Variants in GRIK4 observed in about 807,000 individuals in gnomAD.
GRIK4 encodes glutamate ionotropic receptor kainate type subunit 4, also known as glutamate receptor ionotropic, kainate 4.
Under a neutral mutation model 104.9 loss-of-function variants are expected in GRIK4, and 40 were observed. The ratio of observed to expected loss-of-function variants is 0.38; its 90% CI spans 0.30 to 0.50. GRIK4 has a LOEUF of 0.50. Ranked by LOEUF, GRIK4 falls within the 20% of genes least tolerant of loss-of-function variation. The probability of loss-of-function intolerance (pLI) is 0.93; values close to 1 mark genes in which losing one functional copy is unlikely to be tolerated. For synonymous variants in GRIK4, 485 were observed against 524.9 expected, an observed-to-expected ratio of 0.92 and a Z score of 1.04; for missense variants, 1,047 against 1,308.1, an observed-to-expected ratio of 0.80 and a Z score of 3.08.
chr11:120,516,172 G>C (rs914144404), intron 1 of GRIK4, among the ~76,000 whole-genome samples: 1 of 152,210 alleles, frequency 6.6e-6, no homozygotes, highest in Non-Finnish European at 1.5e-5. Flanking sequence ...TCCCCTGTTT[G>C]GGGGGTGGGC....
intron 9 of GRIK4, among the ~76,000 whole-genome samples, chr11:120,863,299 G>C (rs1042677568): frequency 3.3e-5 from 5 of 152,302 alleles, no homozygotes; most frequent in Middle Eastern, 3.4e-3. Context: ...ACTTACCACT[G>C]TGTTGCTGTT....
At chr11:120,917,349 GA>G (rs2134553440) in intron 13 of GRIK4, among the ~76,000 whole-genome samples, 1 of 151,428 alleles carries the variant, frequency 6.6e-6, no homozygotes, top group South Asian at 2.1e-4. Flanking sequence ...TCAATCAGCA[GA>G]CAGTGATTTA....
chr11:120,929,394 C>A (rs984189856), intron 13 of GRIK4, among the ~76,000 whole-genome samples: 3 of 152,118 alleles, frequency 2.0e-5, no homozygotes, highest in Admixed American at 2.0e-4. Context: ...GATCCCATTG[C>A]CCTGCAGCTC....
chr11:120,758,780 A>G (rs1951695914), intron 3 of GRIK4, among the ~76,000 whole-genome samples: 2 of 152,224 alleles, frequency 1.3e-5, no homozygotes, highest in Non-Finnish European at 1.5e-5. Flanking sequence ...GTGGGCATCT[A>G]TAAATGGGAG....
At chr11:120,636,204 T>C (rs993612665) in intron 1 of GRIK4, among the ~76,000 whole-genome samples, 8 of 152,194 alleles carry the variant, frequency 5.3e-5, no homozygotes, top group African/African-American at 1.9e-4. Context: ...TCATGAATGG[T>C]GATGCTTTAA....
intron 1 of GRIK4, chr11:120,564,367 C>G (rs1431277649): frequency 6.6e-6 from 1 of 152,038 alleles, no homozygotes; most frequent in African/African-American, 2.4e-5. Context: ...GCTCGGGAAT[C>G]CGGGCCCGGG....
chr11:120,619,187 A>G (rs1949153632), intron 1 of GRIK4, among the ~76,000 whole-genome samples: 1 of 152,062 alleles, frequency 6.6e-6, no homozygotes, highest in Admixed American at 6.6e-5. Context: ...GTTAAAGGAG[A>G]TTATTTTGGA....
chr11:120,780,238 C>T (rs1952126059), intron 3 of GRIK4, among the ~76,000 whole-genome samples: 1 of 152,212 alleles, frequency 6.6e-6, no homozygotes, highest in Non-Finnish European at 1.5e-5. Context: ...ATTCACATTG[C>T]TGTACAACCA....
Position 120,953,891 on chromosome 11 carries a change from T to C in GRIK4, c.1700+927T>C, listed in dbSNP as rs76327745. On this transcript the variant is annotated intron_variant, in intron 15 of 20. Coordinates refer to ENST00000527524, the MANE Select transcript of GRIK4 (RefSeq NM_014619.5). This position sits in a 1 kb window ranked among gnomAD's most constrained non-coding sequence, Gnocchi z 4.9. ...GCAGTGGAGGCTCACAAAGGGCTGTTATGTGGGAGCAGAGAACTACTCAGG... is the reference window on the plus strand; with the variant it reads ...GCAGTGGAGGCTCACAAAGGGCTGTCATGTGGGAGCAGAGAACTACTCAGG... 0.026 allele frequency among the ~76,000 whole-genome samples: 3,902 copies of C among 152,270 alleles called. 185 individuals carry two copies. The highest frequency in any genetic ancestry group is 0.089 in the African/African-American group (3,698 of 41,544).
chr11:120,812,038 G>A (rs1379627087), intron 4 of GRIK4, among the ~76,000 whole-genome samples: 1 of 152,178 alleles, frequency 6.6e-6, no homozygotes, highest in Admixed American at 6.5e-5. Flanking sequence ...TTTAAAGAAT[G>A]GATTGGAAAT....
At chr11:120,782,289 T>TA in intron 3 of GRIK4, among the ~76,000 whole-genome samples, 1 of 150,600 alleles carries the variant, frequency 6.6e-6, no homozygotes, top group African/African-American at 2.4e-5. Flanking sequence ...GTATGACTTT[T>TA]TTTTTTTTTT....
At chr11:120,700,049 C>T (rs1024522538) in intron 3 of GRIK4, among the ~76,000 whole-genome samples, 3 of 152,146 alleles carry the variant, frequency 2.0e-5, no homozygotes, top group African/African-American at 7.2e-5. Context: ...GGGTTTACAG[C>T]ATGTTAGGAG....
intron 1 of GRIK4, among the ~76,000 whole-genome samples, chr11:120,539,073 G>C (rs1382467985): frequency 1.3e-5 from 2 of 152,228 alleles, no homozygotes; most frequent in Non-Finnish European, 2.9e-5. Flanking sequence ...ACCCAGCCGA[G>C]ACTGCAGCTG....
intron 1 of GRIK4, among the ~76,000 whole-genome samples, chr11:120,525,391 A>G (rs1366822918): frequency 6.6e-6 from 1 of 151,980 alleles, no homozygotes; most frequent in African/African-American, 2.4e-5. Context: ...CTCCCATCAA[A>G]CCAGGGGAGC....
intron 1 of GRIK4, among the ~76,000 whole-genome samples, chr11:120,597,417 C>T (rs973754059): frequency 6.6e-6 from 1 of 152,226 alleles, no homozygotes; most frequent in Non-Finnish European, 1.5e-5. Context: ...GTTCCCTCTC[C>T]TTCCTCTCCC....
intron 3 of GRIK4, among the ~76,000 whole-genome samples, chr11:120,769,559 G>A (rs1429420342): frequency 1.3e-5 from 2 of 152,098 alleles, no homozygotes; most frequent in Admixed American, 6.5e-5. Flanking sequence ...ATAATGTAAA[G>A]ACAATTCTTA....
In GRIK4 at chr11:120,658,526, C is replaced by A. The variant is rs138932108; in HGVS notation, c.-50-1743C>A. ...GAGTTCCAATTTGTCCACATCCTTG[C>A]TAACACTTAATGTTGTCTTTTTTTA... On this transcript the variant is annotated intron_variant, in intron 2 of 20. Coordinates refer to ENST00000527524, the MANE Select transcript of GRIK4 (RefSeq NM_014619.5). Among the ~76,000 whole-genome samples, 91 of 152,228 alleles carry A rather than the reference C, an allele frequency of 6.0e-4. No individual in the cohort carries two copies. The East Asian group carries it at 7.7e-3, about 13-fold the overall frequency.
intron 3 of GRIK4, among the ~76,000 whole-genome samples, chr11:120,735,395 A>G (rs1479102275): frequency 2.0e-5 from 3 of 152,100 alleles, no homozygotes; most frequent in East Asian, 3.9e-4. Context: ...CAAATGGCAT[A>G]TTTCTCTCTC....
At chr11:120,745,665 TCAA>T (rs1951425759) in intron 3 of GRIK4, among the ~76,000 whole-genome samples, 1 of 152,208 alleles carries the variant, frequency 6.6e-6, no homozygotes, top group Admixed American at 6.5e-5. Flanking sequence ...GAAATGAGAT[TCAA>T]CAACGTTTGT....
Sources: gnomAD v4.1 joint callset for allele counts (sites outside exome capture counted in the v4.1 genomes callset) on GRCh38, gnomAD v4.1.1 for gene constraint, Gnocchi (gnomAD v3.1) non-coding constraint, MANE v1.5 for transcripts, NCBI Gene and HGNC (gene_info 2026-07-23, HGNC 2026-07-21) for gene names.